The following TBC1D22B variants were observed in gnomAD, a reference collection of about 807,000 sequenced individuals.
The protein encoded by TBC1D22B is chromosome 6 open reading frame 197.
TBC1D22B carries 32 observed loss-of-function variants against 69.1 expected under a neutral mutation model. The observed-to-expected ratio is 0.46, with a 90% confidence interval of 0.35 to 0.62. The LOEUF is 0.62. Ranked by LOEUF, TBC1D22B falls within the 20% of genes least tolerant of loss-of-function variation. TBC1D22B has a pLI of 0.00. For synonymous variants in TBC1D22B, 206 were observed against 229.8 expected (o/e 0.90, Z 0.94); for missense variants, 462 against 630.9 (o/e 0.73, Z 2.87).
intron 8 of TBC1D22B, among the ~76,000 whole-genome samples, chr6:37,301,493 A>G (rs1767571055): frequency 6.6e-6 from 1 of 152,192 alleles, no homozygotes; most frequent in Non-Finnish European, 1.5e-5. Flanking sequence ...ACCACACAGT[A>G]TGGAGTCTTT....
intron 3 of TBC1D22B, among the ~76,000 whole-genome samples, chr6:37,280,102 G>C (rs1023639399): frequency 2.0e-5 from 3 of 152,196 alleles, no homozygotes; most frequent in African/African-American, 7.2e-5. Context: ...AAAGGCCCCA[G>C]GTCCCAGCTT....
chr6:37,288,229 C>G (rs1177477899), intron 7 of TBC1D22B, among the ~76,000 whole-genome samples: 1 of 152,174 alleles, frequency 6.6e-6, no homozygotes, highest in African/African-American at 2.4e-5. Context: ...AAGGTAACAT[C>G]ATTATTTTAA....
chr6:37,318,891 GAGGTTTTT>G (rs1562066802), intron 12 of TBC1D22B, among the ~76,000 whole-genome samples: 1 of 152,170 alleles, frequency 6.6e-6, no homozygotes, highest in Non-Finnish European at 1.5e-5. Flanking sequence ...TCTGAACTGA[GAGGTTTTT>G]TGGTTTGTTT....
rs780193374 is a variant in TBC1D22B, at chr6:37,331,198, C to T, written c.*26C>T. 1.9e-6 allele frequency: 3 copies of T among 1,612,702 alleles called. No individual in the cohort carries two copies. The South Asian group carries it at 3.3e-5, about 18-fold the overall frequency. ...GTGCTGTCTCCTCCGGGGACCCAGA[C>T]TGCCTTCATCTCTGATGGCAGTCTG... On this transcript the variant is annotated 3_prime_UTR_variant, in exon 13 of 13. Transcript: ENST00000373491.
intron 8 of TBC1D22B, among the ~76,000 whole-genome samples, chr6:37,305,523 C>CT (rs35314504): frequency 0.76 from 111,083 of 145,382 alleles, 43,340 homozygotes; most frequent in Non-Finnish European, 0.85. Flanking sequence ...TGCCTATTTC[C>CT]TTTTTTTTTT....
At chr6:37,317,046 T>C in intron 11 of TBC1D22B, 65 bp from the exon 12 acceptor site, 3 of 1,516,624 alleles carry the variant, frequency 2.0e-6, no homozygotes, top group Non-Finnish European at 2.7e-6. Context: ...GGAATGGAAC[T>C]GAGAGGACCA....
chr6:37,289,337 C>A (rs1767105446), intron 7 of TBC1D22B, among the ~76,000 whole-genome samples: 1 of 152,180 alleles, frequency 6.6e-6, no homozygotes, highest in East Asian at 1.9e-4. Flanking sequence ...ATTGGAAGAC[C>A]TCCAGCGGTT....
chr6:37,325,579 T>G (rs1204663169), intron 12 of TBC1D22B, among the ~76,000 whole-genome samples: 1 of 146,004 alleles, frequency 6.8e-6, no homozygotes, highest in Non-Finnish European at 1.5e-5. Context: ...AGATGGAGTC[T>G]CACTGTGTCG....
rs1768611950 is a variant in TBC1D22B, at chr6:37,332,490, T to G, written c.*1318T>G. The G allele has an allele frequency of 6.5e-6, 1 of 152,704 alleles. No homozygotes were observed. The highest frequency in any genetic ancestry group is 2.4e-5 in the African/African-American group (1 of 41,438). 9.5% of individuals were successfully genotyped at this position (152,704 alleles called of 1,614,324 possible). A position where few individuals can be genotyped will look rare whatever the true frequency, so the allele number is the denominator to read the frequency against. On this transcript the variant is annotated 3_prime_UTR_variant, in exon 13 of 13. Transcript: ENST00000373491. Reference sequence around the variant, plus strand: ...GCCAAGGAAAGGGGCTTCTTGTGTGTCCCTCGGGTTTGGGGCTCTTCTCAG... The same window carrying G: ...GCCAAGGAAAGGGGCTTCTTGTGTGGCCCTCGGGTTTGGGGCTCTTCTCAG...
At position 37,284,481 on chromosome 6, in the gene TBC1D22B, C is replaced by T; in HGVS notation, c.801+17C>T. On this transcript the variant is annotated intron_variant, in intron 6 of 12. Coordinates refer to ENST00000373491, the MANE Select transcript of TBC1D22B (RefSeq NM_017772.4). ...TACAGACAGGTACAGTCACCACCTG[C>T]TGCCTCTTTGCTTACCAGTCATATA... 1 of 1,551,012 alleles carries T rather than the reference C, an allele frequency of 6.4e-7. No individual in the cohort carries two copies. The highest frequency in any genetic ancestry group is 8.7e-7 in the Non-Finnish European group (1 of 1,153,270).
chr6:37,265,035 T>A (rs992005050), intron 1 of TBC1D22B, among the ~76,000 whole-genome samples: 14 of 152,250 alleles, frequency 9.2e-5, no homozygotes, highest in African/African-American at 3.4e-4. Flanking sequence ...CTTTTCTAAA[T>A]TCTTGCCTGT....
chr6:37,275,649 A>T (rs1766646570), intron 2 of TBC1D22B, among the ~76,000 whole-genome samples: 1 of 152,202 alleles, frequency 6.6e-6, no homozygotes, highest in African/African-American at 2.4e-5. Context: ...ACCTCATAGG[A>T]TTATTAATGG....
At chr6:37,267,225 A>G (rs1766307596) in intron 1 of TBC1D22B, among the ~76,000 whole-genome samples, 1 of 150,542 alleles carries the variant, frequency 6.6e-6, no homozygotes, top group South Asian at 2.1e-4. Flanking sequence ...GTGAGCTACC[A>G]TGCTTGCCCT....
At chr6:37,272,420 G>A (rs2113725173) in intron 2 of TBC1D22B, among the ~76,000 whole-genome samples, 1 of 150,520 alleles carries the variant, frequency 6.6e-6, no homozygotes, top group East Asian at 2.0e-4. Context: ...AGAGTGCACT[G>A]GCACGATCAG....
At chr6:37,286,865 A>T in intron 6 of TBC1D22B, 142 bp from the exon 7 acceptor site, 1 of 656,876 alleles carries the variant, frequency 1.5e-6, no homozygotes. Context: ...AATCGCTTGA[A>T]CCCTGGAGGC....
chr6:37,317,607 A>G (rs1411745057), intron 12 of TBC1D22B, among the ~76,000 whole-genome samples: 1 of 151,912 alleles, frequency 6.6e-6, no homozygotes, highest in Non-Finnish European at 1.5e-5. Context: ...AGTAAATAAC[A>G]TCATAGTAAA....
intron 11 of TBC1D22B, 26 bp downstream of exon 11, chr6:37,316,856 G>A: frequency 1.2e-6 from 2 of 1,613,644 alleles, no homozygotes; most frequent in South Asian, 2.2e-5. Context: ...CGGCCTCTCT[G>A]TGCCAGGCTG....
intron 12 of TBC1D22B, among the ~76,000 whole-genome samples, chr6:37,326,383 A>AAG (rs1239418252): frequency 2.0e-5 from 3 of 151,484 alleles, no homozygotes; most frequent in Non-Finnish European, 4.4e-5. Flanking sequence ...CCTCAAAAAA[A>AAG]AAAAAAAAAA....
chr6:37,273,599 C>G (rs762367683), intron 2 of TBC1D22B, among the ~76,000 whole-genome samples: 7 of 152,184 alleles, frequency 4.6e-5, no homozygotes, highest in Non-Finnish European at 1.0e-4. Context: ...AATATTTTCA[C>G]TGATCTTTCA....
Sources: gnomAD v4.1 joint callset for allele counts (sites outside exome capture counted in the v4.1 genomes callset) on GRCh38, gnomAD v4.1.1 for gene constraint, MANE v1.5 for transcripts, NCBI Gene and HGNC (gene_info 2026-07-23, HGNC 2026-07-21) for gene names.